Variants in ROBO2 observed in about 807,000 individuals in gnomAD.
ROBO2 encodes roundabout guidance receptor 2.
Under a neutral mutation model 160.8 loss-of-function variants are expected in ROBO2, and 53 were observed. The observed-to-expected ratio is 0.33, with a 90% CI of 0.26 to 0.41. The LOEUF (loss-of-function observed/expected upper bound fraction) is 0.41, where lower values mean the gene tolerates loss of function less well. Ranked by LOEUF, ROBO2 falls within the 10% of genes least tolerant of loss-of-function variation. The probability of loss-of-function intolerance (pLI) is 1.00; values close to 1 mark genes in which losing one functional copy is unlikely to be tolerated. For missense variants in ROBO2, 1,577 were observed against 1,722.4 expected, an observed-to-expected ratio of 0.92 and a Z score of 1.49; for synonymous variants, 664 against 611.7, an observed-to-expected ratio of 1.09 and a Z score of -1.26.
intron 2 of ROBO2, among the ~76,000 whole-genome samples, chr3:76,482,312 G>A (rs2079254923): frequency 6.6e-6 from 1 of 152,078 alleles, no homozygotes; most frequent in Non-Finnish European, 1.5e-5. Flanking sequence ...GGTCCTCTGA[G>A]GACTTATTCT....
At chr3:77,319,558 T>C (rs532355761) in intron 2 of ROBO2, among the ~76,000 whole-genome samples, 217 of 152,322 alleles carry the variant, frequency 1.4e-3, no homozygotes, top group Non-Finnish European at 2.6e-3. Context: ...AACTTTATAC[T>C]ACAATTGAGT....
chr3:77,403,590 G>GTGTT (rs1425653139), intron 2 of ROBO2, among the ~76,000 whole-genome samples: 1 of 90,822 alleles, frequency 1.1e-5, no homozygotes, highest in Non-Finnish European at 2.1e-5. Flanking sequence ...GTGTGTGTGT[G>GTGTT]TGTGTGTGTG....
At chr3:76,648,967 G>A (rs755388679) in intron 2 of ROBO2, among the ~76,000 whole-genome samples, 1 of 152,000 alleles carries the variant, frequency 6.6e-6, no homozygotes. Context: ...ACTATTTTAT[G>A]CTGCCTCTAA....
chr3:76,541,125 T>C (rs747142415), intron 2 of ROBO2, among the ~76,000 whole-genome samples: 5 of 152,196 alleles, frequency 3.3e-5, no homozygotes, highest in Non-Finnish European at 4.4e-5. Context: ...TTAGTTTAAA[T>C]AAATAATTAT....
At chr3:76,102,126 G>A (rs1278298082) in intron 2 of ROBO2, among the ~76,000 whole-genome samples, 1 of 151,976 alleles carries the variant, frequency 6.6e-6, no homozygotes, top group Non-Finnish European at 1.5e-5. Flanking sequence ...TTTAAGTCTG[G>A]AGCTGCATCG....
intron 2 of ROBO2, among the ~76,000 whole-genome samples, chr3:76,095,120 G>A (rs151206441): frequency 0.011 from 1,637 of 152,214 alleles, 17 homozygotes; most frequent in Non-Finnish European, 0.016. Context: ...GTATGGGTGA[G>A]TATGAGACTA....
intron 2 of ROBO2, among the ~76,000 whole-genome samples, chr3:76,514,341 A>G (rs972736756): frequency 6.6e-6 from 1 of 152,118 alleles, no homozygotes; most frequent in East Asian, 1.9e-4. Context: ...TACCTCCCCA[A>G]CTTTAAGAAC....
chr3:76,042,965 C>T (rs535114209), intron 2 of ROBO2, among the ~76,000 whole-genome samples: 2 of 151,972 alleles, frequency 1.3e-5, no homozygotes, highest in African/African-American at 2.4e-5. Context: ...TGATGCTCCC[C>T]GCTGAATAAA....
intron 2 of ROBO2, among the ~76,000 whole-genome samples, chr3:77,276,645 G>A (rs973861316): frequency 2.0e-5 from 3 of 152,074 alleles, no homozygotes; most frequent in Admixed American, 1.3e-4. Context: ...CCAGCTACTC[G>A]GGAGGCTTAG....
At chr3:76,279,762 G>A (rs144000476) in intron 2 of ROBO2, among the ~76,000 whole-genome samples, 1,712 of 151,858 alleles carry the variant, frequency 0.011, 9 homozygotes, top group Non-Finnish European at 0.014. Flanking sequence ...AAAACATAAC[G>A]TAACACATAA....
chr3:77,587,798 C>A (rs545119384), intron 16 of ROBO2, among the ~76,000 whole-genome samples: 1 of 152,162 alleles, frequency 6.6e-6, no homozygotes, highest in East Asian at 1.9e-4. Context: ...TTTTGCTTAC[C>A]ATTTACCTTT....
chr3:77,264,727 T>C (rs1211835871), intron 2 of ROBO2, among the ~76,000 whole-genome samples: 3 of 152,170 alleles, frequency 2.0e-5, no homozygotes, highest in Non-Finnish European at 4.4e-5. Flanking sequence ...ACATATATAG[T>C]AAGATGGAGG....
At chr3:77,408,281 CGTGT>C (rs1339153545) in intron 2 of ROBO2, among the ~76,000 whole-genome samples, 1 of 151,998 alleles carries the variant, frequency 6.6e-6, no homozygotes. Context: ...ATTGTTTGTG[CGTGT>C]GTATGTGTCG....
chr3:77,342,971 G>A (rs138478467), intron 2 of ROBO2, among the ~76,000 whole-genome samples: 2 of 152,122 alleles, frequency 1.3e-5, no homozygotes, highest in Admixed American at 6.6e-5. Context: ...GTACAGGCAC[G>A]GTCAGGTTCT....
At chr3:76,020,858 G>A (rs975328741) in intron 2 of ROBO2, among the ~76,000 whole-genome samples, 2 of 151,800 alleles carry the variant, frequency 1.3e-5, no homozygotes, top group African/African-American at 4.8e-5. Flanking sequence ...CCTAAAGGGA[G>A]TTTTAGTTTT....
At chr3:77,190,952 C>T (rs998909917) in intron 2 of ROBO2, among the ~76,000 whole-genome samples, 2 of 151,968 alleles carry the variant, frequency 1.3e-5, no homozygotes, top group African/African-American at 2.4e-5. Flanking sequence ...AAAAATGCAT[C>T]ACAGAAGTCC....
At chr3:76,246,356 G>C (rs913137618) in intron 2 of ROBO2, among the ~76,000 whole-genome samples, 1 of 152,084 alleles carries the variant, frequency 6.6e-6, no homozygotes, top group South Asian at 2.1e-4. Flanking sequence ...ATTTGAGGAC[G>C]TAAGTCTACA....
intron 2 of ROBO2, among the ~76,000 whole-genome samples, chr3:76,238,048 A>G (rs1349312481): frequency 6.6e-6 from 1 of 152,182 alleles, no homozygotes; most frequent in Non-Finnish European, 1.5e-5. Flanking sequence ...ACATTATCAC[A>G]TTATGGGTAC....
intron 1 of ROBO2, among the ~76,000 whole-genome samples, chr3:75,921,801 C>T (rs1947068740): frequency 6.6e-6 from 1 of 152,164 alleles, no homozygotes; most frequent in Admixed American, 6.5e-5. Context: ...AGCATCTACT[C>T]AGTATCTGGC....
Sources: allele counts gnomAD v4.1 joint callset (sites outside exome capture counted in the v4.1 genomes callset), GRCh38; gene constraint gnomAD v4.1.1; transcripts MANE v1.5; gene names NCBI Gene and HGNC (gene_info 2026-07-23, HGNC 2026-07-21).